BCAS3: variants seen among roughly 807,000 people sequenced by gnomAD.
BCAS3 encodes BCAS4/BCAS3 fusion.
Under a neutral mutation model 116.1 loss-of-function variants are expected in BCAS3, and 53 were observed. The ratio of observed to expected loss-of-function variants is 0.46; its 90% CI spans 0.37 to 0.57. The LOEUF (loss-of-function observed/expected upper bound fraction) is 0.57. Among genes scored for constraint, BCAS3 ranks in the 20% least tolerant of loss-of-function variants. The probability of loss-of-function intolerance (pLI) is 0.00; values close to 1 mark genes in which losing one functional copy is unlikely to be tolerated. For missense variants in BCAS3, 917 were observed against 1,165.4 expected, an observed-to-expected ratio of 0.79 and a Z score of 3.10; for synonymous variants, 391 against 408.2, an observed-to-expected ratio of 0.96 and a Z score of 0.51.
At position 61,208,222 on chromosome 17, in the gene BCAS3, T is replaced by C. The variant is rs891733122; in HGVS notation, c.2425+123658T>C. Among the ~76,000 whole-genome samples, 8 of 152,184 alleles carry C rather than the reference T, an allele frequency of 5.3e-5. No individual in the cohort carries two copies. The highest frequency in any genetic ancestry group is 5.2e-4 in the Admixed American group (8 of 15,274). On this transcript the variant is annotated intron_variant, in intron 22 of 23. Transcript: ENST00000407086. The surrounding 1 kb of genome is among the most constrained non-coding windows in gnomAD (Gnocchi z 4.5). Reference sequence around the variant, plus strand: ...TTCCACTTTCCTGGGCTTGGTATTTTAGTTATTGTATTGTCTACTCATATA... The same window carrying C: ...TTCCACTTTCCTGGGCTTGGTATTTCAGTTATTGTATTGTCTACTCATATA...
chr17:61,175,212 A>G (rs1315581693), intron 22 of BCAS3, among the ~76,000 whole-genome samples: 1 of 152,114 alleles, frequency 6.6e-6, no homozygotes, highest in Non-Finnish European at 1.5e-5. Flanking sequence ...TTCGAGATCA[A>G]CCTGAGCAAC....
intron 22 of BCAS3, among the ~76,000 whole-genome samples, chr17:61,149,258 G>A (rs977826082): frequency 2.6e-5 from 4 of 152,110 alleles, no homozygotes; most frequent in African/African-American, 9.6e-5. Context: ...CCTGCTTTCC[G>A]CTGGTAAGAT....
chr17:61,171,790 A>T lies in BCAS3; in HGVS notation c.2425+87226A>T, dbSNP rs2078854793. Among the ~76,000 whole-genome samples the T allele has an allele frequency of 6.8e-6, 1 of 147,664 alleles. No homozygotes were observed. The highest frequency in any genetic ancestry group is 1.5e-5 in the Non-Finnish European group (1 of 67,864). ...CATGTGCCACCATGCCCTGCTAATTAAAAAAAAATTTTTTTTTTTTTTTGT... is the reference window on the plus strand; with the variant it reads ...CATGTGCCACCATGCCCTGCTAATTTAAAAAAAATTTTTTTTTTTTTTTGT... On this transcript the variant is annotated intron_variant, in intron 22 of 23. Coordinates refer to ENST00000407086, the MANE Select transcript of BCAS3 (RefSeq NM_017679.5). This position sits in a 1 kb window ranked among gnomAD's most constrained non-coding sequence, Gnocchi z 4.1.
chr17:60,810,020 A>G (rs2048648630), intron 7 of BCAS3: 1 of 180,862 alleles, frequency 5.5e-6, no homozygotes, highest in Admixed American at 5.9e-5. Flanking sequence ...ATTATATAAA[A>G]TGTCTATTTT....
intron 7 of BCAS3, among the ~76,000 whole-genome samples, chr17:60,834,543 A>G (rs926770687): frequency 6.6e-6 from 1 of 152,034 alleles, no homozygotes; most frequent in African/African-American, 2.4e-5. Flanking sequence ...AAACTAATCT[A>G]CATTGGTAGA....
rs565584777 is a variant in BCAS3 at position 61,073,939 on chromosome 17, T to C, written c.2030-981T>C. ...GCCTGGTCAACATTGTGAGATCCTG[T>C]CTCTACAAGGAAGAAAATATTGGGC... On this transcript the variant is annotated intron_variant, in intron 19 of 23. Coordinates refer to ENST00000407086, the MANE Select transcript of BCAS3 (RefSeq NM_017679.5). The surrounding 1 kb of genome is among the most constrained non-coding windows in gnomAD (Gnocchi z 4.6). 4.1e-4 allele frequency among the ~76,000 whole-genome samples: 62 copies of C among 151,992 alleles called. No homozygotes were observed. The highest frequency in any genetic ancestry group is 8.3e-4 in the South Asian group (4 of 4,814).
At chr17:60,692,561 A>T (rs372499129) in intron 4 of BCAS3, among the ~76,000 whole-genome samples, 2 of 151,946 alleles carry the variant, frequency 1.3e-5, no homozygotes, top group East Asian at 3.9e-4. Flanking sequence ...GAACTTTATT[A>T]TCATGCATGT....
Position 61,254,667 on chromosome 17 carries a change from C to T in BCAS3, c.2426-113660C>T, listed in dbSNP as rs542522491. Among the ~76,000 whole-genome samples the T allele has an allele frequency of 4.1e-3, 610 of 148,216 alleles. 5 individuals are homozygous for T. The highest frequency in any genetic ancestry group is 3.3e-3 in the Non-Finnish European group (224 of 67,368). On this transcript the variant is annotated intron_variant, in intron 22 of 23. Transcript: ENST00000407086. ...TGGTGGGCGCCTGTAGTCCCAGCTA[C>T]TCAGGAGGCTGAGGTAAGAGAATCA...
At position 60,860,368 on chromosome 17, in the gene BCAS3, T is replaced by C. The variant is rs553778002; in HGVS notation, c.477-8208T>C. On this transcript the variant is annotated intron_variant, in intron 7 of 23. Transcript: ENST00000407086. ...GGGTTATTTCTTGCTTGTTGACTTA[T>C]AGATTCTGTATATTAGACCTTTGTC... Among the ~76,000 whole-genome samples the C allele has an allele frequency of 2.6e-5, 4 of 152,336 alleles. No homozygotes were observed. The South Asian group carries it at 6.2e-4, about 24-fold the overall frequency.
intron 16 of BCAS3, among the ~76,000 whole-genome samples, chr17:61,031,429 C>T (rs2066631708): frequency 6.6e-6 from 1 of 152,020 alleles, no homozygotes; most frequent in Non-Finnish European, 1.5e-5. Flanking sequence ...GCCAAGCTTT[C>T]TTGGACTTTT....
chr17:61,150,581 AAATAATACAGCCCT>A (rs1386629282), intron 22 of BCAS3, among the ~76,000 whole-genome samples: 1 of 152,234 alleles, frequency 6.6e-6, no homozygotes, highest in Non-Finnish European at 1.5e-5. Context: ...CCAGGAAATA[AAATAATACAGCCCT>A]TCCTTTCTCT....
chr17:60,894,994 G>T (rs1435469617), intron 10 of BCAS3, among the ~76,000 whole-genome samples: 1 of 152,116 alleles, frequency 6.6e-6, no homozygotes, highest in Non-Finnish European at 1.5e-5. Flanking sequence ...TTTGGTGTCT[G>T]TGTTCATCAG....
intron 22 of BCAS3, among the ~76,000 whole-genome samples, chr17:61,237,851 T>G (rs1331687397): frequency 1.3e-5 from 2 of 152,152 alleles, no homozygotes; most frequent in Non-Finnish European, 2.9e-5. Context: ...ATGATCATAA[T>G]GCAAAATAGA....
At chr17:61,046,067 AT>A (rs1210378706) in intron 19 of BCAS3, among the ~76,000 whole-genome samples, 1 of 28,616 alleles carries the variant, frequency 3.5e-5, no homozygotes, top group Non-Finnish European at 5.1e-5. Flanking sequence ...TTATATATAT[AT>A]AATATATATA....
chr17:60,999,649 A>G (rs2064103466), intron 15 of BCAS3, among the ~76,000 whole-genome samples: 1 of 151,842 alleles, frequency 6.6e-6, no homozygotes, highest in African/African-American at 2.4e-5. Flanking sequence ...TTTTGATTCC[A>G]CATGAATTTT....
intron 7 of BCAS3, among the ~76,000 whole-genome samples, chr17:60,861,433 G>T (rs916427683): frequency 6.6e-6 from 1 of 152,038 alleles, no homozygotes; most frequent in Non-Finnish European, 1.5e-5. Flanking sequence ...ATATCATCTG[G>T]GACTAGAGAT....
Position 61,316,659 on chromosome 17 carries a change from GAGA to G in BCAS3, c.2426-51665_2426-51663del, listed in dbSNP as rs1319998807. On this transcript the variant is annotated intron_variant, in intron 22 of 23. Transcript: ENST00000407086. The surrounding 1 kb of genome is among the most constrained non-coding windows in gnomAD (Gnocchi z 5.8). ...GGTTAGAGGGAGGGAGAGAGGGAAG[GAGA>G]AGGAGGATAAAATAAAAGGAAAAGA... is the stretch of plus-strand genomic sequence containing the variant. Among the ~76,000 whole-genome samples the G allele has an allele frequency of 1.3e-5, 2 of 152,200 alleles. No individual in the cohort carries two copies. Among genetic ancestry groups the G allele is most frequent in the South Asian group, 2.1e-4 (1 of 4,830 alleles).
chr17:60,726,510 AT>A (rs1157371227), intron 5 of BCAS3, among the ~76,000 whole-genome samples: 4,658 of 129,480 alleles, frequency 0.036, 179 homozygotes, highest in African/African-American at 0.11. Flanking sequence ...AGAGGGAGGA[AT>A]TTTTTTTTTT....
chr17:61,013,077 C>T lies in BCAS3; in HGVS notation c.1487-2674C>T, dbSNP rs993045332. Among the ~76,000 whole-genome samples, 2 of 152,066 alleles carry T rather than the reference C, an allele frequency of 1.3e-5. No homozygotes were observed. Among genetic ancestry groups the T allele is most frequent in the African/African-American group, 4.8e-5 (2 of 41,434 alleles). ...GCCCAGAATATTCCTTCTCTCCTAC[C>T]CTTATCCATATTTTGTCCAATTTTC... On this transcript the variant is annotated intron_variant, in intron 15 of 23. Transcript: ENST00000407086. This position sits in a 1 kb window ranked among gnomAD's most constrained non-coding sequence, Gnocchi z 4.4.
Sources: gnomAD v4.1 joint callset for allele counts (sites outside exome capture counted in the v4.1 genomes callset) on GRCh38, gnomAD v4.1.1 for gene constraint, Gnocchi (gnomAD v3.1) non-coding constraint, MANE v1.5 for transcripts, NCBI Gene and HGNC (gene_info 2026-07-23, HGNC 2026-07-21) for gene names.